PLLP: variants seen among roughly 807,000 people sequenced by gnomAD.
PLLP encodes the protein plasma membrane proteolipid (plasmolipin).
Under a neutral mutation model 19.7 loss-of-function variants are expected in PLLP, and 15 were observed. That is an observed-to-expected ratio of 0.76 (90% confidence interval 0.51 to 1.17). The LOEUF is 1.17. Among genes scored for constraint, PLLP ranks in the 50% most tolerant of loss-of-function variants. The pLI, the probability that PLLP is intolerant of heterozygous loss-of-function variation, is 0.00. For missense variants in PLLP, 255 were observed against 258.3 expected, an observed-to-expected ratio of 0.99 and a Z score of 0.09; for synonymous variants, 111 against 116.3, an observed-to-expected ratio of 0.95 and a Z score of 0.29.
rs551239427 is a variant in PLLP at position 57,279,014 on chromosome 16, T to C, written c.135+5392A>G. 5.9e-5 allele frequency among the ~76,000 whole-genome samples: 9 copies of C among 152,338 alleles called. No homozygotes were observed. The South Asian group carries it at 1.7e-3, about 28-fold the overall frequency. On this transcript the variant is annotated intron_variant, in intron 1 of 3. Coordinates refer to ENST00000219207, the MANE Select transcript of PLLP (RefSeq NM_015993.3). ...TAAGAAGAACTGAGCTCCCTGTCTCTGGAAGCATGCAAGTTCATGTTGGAG... is the reference window on the plus strand; with the variant it reads ...TAAGAAGAACTGAGCTCCCTGTCTCCGGAAGCATGCAAGTTCATGTTGGAG...
At chr16:57,269,796 C>T (rs541348886) in intron 1 of PLLP, among the ~76,000 whole-genome samples, 2 of 152,240 alleles carry the variant, frequency 1.3e-5, no homozygotes, top group South Asian at 4.2e-4. Context: ...GATGGAGTCT[C>T]GCTTTGTTGC....
chr16:57,276,606 A>AGAG (rs1217377966), intron 1 of PLLP, among the ~76,000 whole-genome samples: 1 of 150,084 alleles, frequency 6.7e-6, no homozygotes, highest in African/African-American at 2.5e-5. Context: ...AAAAAAAAAA[A>AGAG]AGAGAGAGAG....
At position 57,261,931 on chromosome 16, in the gene PLLP, T is replaced by C; in HGVS notation, c.275A>G (p.His92Arg). ...VLFNLYLFQL[H>R]MKLYMVPWPL... is the part of the protein sequence containing the mutation. ...CCAGGGAACCATGTACAACTTCATGTGCAGCTGAAACAGGTAGAGGTTGAA... is the reference window on the plus strand; with the variant it reads ...CCAGGGAACCATGTACAACTTCATGCGCAGCTGAAACAGGTAGAGGTTGAA... Residue 92 changes from histidine (H) to arginine (R), a missense_variant, in exon 2 of 4, where the codon CAC becomes CGC. Coordinates refer to ENST00000219207, the MANE Select transcript of PLLP (RefSeq NM_015993.3). 2 of 1,614,112 alleles carry C rather than the reference T, an allele frequency of 1.2e-6. No individual in the cohort carries two copies. Among genetic ancestry groups the C allele is most frequent in the Non-Finnish European group, 1.7e-6 (2 of 1,180,012 alleles).
At chr16:57,280,128 C>T (rs1183292429) in intron 1 of PLLP, among the ~76,000 whole-genome samples, 2 of 152,276 alleles carry the variant, frequency 1.3e-5, no homozygotes, top group East Asian at 3.9e-4. Context: ...CCTGCAGTCC[C>T]CCTTTTCCCC....
chr16:57,283,329 C>A (rs78103272), intron 1 of PLLP, among the ~76,000 whole-genome samples: 19,047 of 151,984 alleles, frequency 0.13, 1,302 homozygotes, highest in African/African-American at 0.14. Flanking sequence ...TAGAGGTGGG[C>A]CCGCACCTGG....
chr16:57,282,240 TTG>T (rs1204187367), intron 1 of PLLP, among the ~76,000 whole-genome samples: 5 of 149,262 alleles, frequency 3.3e-5, no homozygotes, highest in African/African-American at 1.2e-4. Context: ...TTTTTTTTTT[TTG>T]TGTGTGTGTT....
intron 1 of PLLP, among the ~76,000 whole-genome samples, 154 bp downstream of exon 1, chr16:57,284,252 C>A (rs993539607): frequency 2.6e-5 from 4 of 152,144 alleles, no homozygotes; most frequent in Admixed American, 6.5e-5. Context: ...GTGCGGGAAG[C>A]GCCCTAGGGG....
intron 1 of PLLP, among the ~76,000 whole-genome samples, chr16:57,267,971 T>C (rs902411651): frequency 6.6e-6 from 1 of 151,814 alleles, no homozygotes; most frequent in Admixed American, 6.6e-5. Flanking sequence ...ATTGGGGGCA[T>C]CTCTAATCCA....
chr16:57,280,752 T>C (rs1481307648), intron 1 of PLLP, among the ~76,000 whole-genome samples: 1 of 152,256 alleles, frequency 6.6e-6, no homozygotes, highest in Non-Finnish European at 1.5e-5. Flanking sequence ...TTAACTCTTC[T>C]GTCTTATGTG....
intron 1 of PLLP, among the ~76,000 whole-genome samples, chr16:57,266,719 A>C (rs1363574729): frequency 6.6e-6 from 1 of 151,958 alleles, no homozygotes. Flanking sequence ...GTCTACATGA[A>C]TATCTAACTG....
At chr16:57,269,632 G>A (rs1567531065) in intron 1 of PLLP, among the ~76,000 whole-genome samples, 1 of 152,216 alleles carries the variant, frequency 6.6e-6, no homozygotes, top group Admixed American at 6.5e-5. Context: ...GCAGCTGCCA[G>A]GGCTGGCAGG....
intron 1 of PLLP, 30 bp downstream of exon 1, chr16:57,284,376 C>A: frequency 1.5e-6 from 2 of 1,345,956 alleles, no homozygotes; most frequent in South Asian, 3.5e-5. Context: ...GAGCCCCCGG[C>A]CAACCCCGTG....
At chr16:57,264,480 C>G (rs545787390) in intron 1 of PLLP, among the ~76,000 whole-genome samples, 1 of 152,346 alleles carries the variant, frequency 6.6e-6, no homozygotes, top group Non-Finnish European at 1.5e-5. Context: ...TGCTTAGGAA[C>G]TAACAATCCT....
At chr16:57,265,032 C>T (rs1186493348) in intron 1 of PLLP, among the ~76,000 whole-genome samples, 1 of 152,262 alleles carries the variant, frequency 6.6e-6, no homozygotes, top group African/African-American at 2.4e-5. Flanking sequence ...GGGCTCAGCA[C>T]CTGCTCCTCC....
chr16:57,262,868 G>A (rs1194898217), intron 1 of PLLP, among the ~76,000 whole-genome samples: 9 of 151,976 alleles, frequency 5.9e-5, no homozygotes, highest in East Asian at 1.9e-4. Flanking sequence ...ACACCCCCAC[G>A]CCTCCAGCCG....
chr16:57,258,921 A>C (rs1236009900), intron 2 of PLLP, among the ~76,000 whole-genome samples: 87 of 2,094 alleles, frequency 0.042, no homozygotes, highest in African/African-American at 0.13. Context: ...ATCCTGTCTC[A>C]AAAAAAAAAA....
intron 2 of PLLP, among the ~76,000 whole-genome samples, chr16:57,260,558 G>A (rs1053706477): frequency 7.2e-5 from 11 of 152,290 alleles, no homozygotes; most frequent in Admixed American, 2.6e-4. Context: ...ACGTTTCCTC[G>A]GTTTAAAAAG....
intron 2 of PLLP, among the ~76,000 whole-genome samples, chr16:57,261,175 T>C (rs2146438859): frequency 6.9e-6 from 1 of 145,860 alleles, no homozygotes; most frequent in Admixed American, 6.8e-5. Flanking sequence ...TTGCTAATTG[T>C]TGTATTTTTT....
intron 3 of PLLP, 69 bp from the exon 4 acceptor site, chr16:57,257,098 A>C: frequency 3.5e-5 from 39 of 1,103,126 alleles, no homozygotes; most frequent in Non-Finnish European, 4.3e-5. Flanking sequence ...ACCAGATCTC[A>C]GGCCAGGCAG....
Sources: gnomAD v4.1 joint callset for allele counts (sites outside exome capture counted in the v4.1 genomes callset) on GRCh38, gnomAD v4.1.1 for gene constraint, MANE v1.5 for transcripts, NCBI Gene and HGNC (gene_info 2026-07-23, HGNC 2026-07-21) for gene names.